CFAP61: variants seen among roughly 807,000 people sequenced by gnomAD.
The protein encoded by CFAP61 is cilia and flagella associated protein 61.
CFAP61 carries 107 observed loss-of-function variants against 135.6 expected under a neutral mutation model. That is an observed-to-expected ratio of 0.79 (90% CI 0.67 to 0.93). The LOEUF (loss-of-function observed/expected upper bound fraction) is 0.93, where lower values mean the gene tolerates loss of function less well. Ranked by LOEUF, CFAP61 falls within the 40% of genes least tolerant of loss-of-function variation. The pLI is 0.00. For missense variants in CFAP61, 1,507 were observed against 1,556.2 expected (o/e 0.97, Z 0.53); for synonymous variants, 575 against 578.5 (o/e 0.99, Z 0.09).
intron 9 of CFAP61, among the ~76,000 whole-genome samples, chr20:20,151,609 G>A (rs754718126): frequency 8.6e-5 from 13 of 151,810 alleles, no homozygotes; most frequent in African/African-American, 1.7e-4. Flanking sequence ...AGCGGATCAC[G>A]AGGTCAGGAG....
chr20:20,192,846 G>C (rs1273094015), intron 15 of CFAP61, among the ~76,000 whole-genome samples: 2 of 152,242 alleles, frequency 1.3e-5, no homozygotes, highest in East Asian at 3.9e-4. Context: ...ACTAGTGTTT[G>C]TATTTTGATC....
chr20:20,349,778 C>T (rs553172336), intron 26 of CFAP61, among the ~76,000 whole-genome samples: 11 of 152,286 alleles, frequency 7.2e-5, no homozygotes, highest in African/African-American at 2.2e-4. Flanking sequence ...CATCTGTGTT[C>T]ATGCATTTGA....
intron 8 of CFAP61, among the ~76,000 whole-genome samples, chr20:20,125,297 A>G (rs1341718533): frequency 6.6e-6 from 1 of 151,266 alleles, no homozygotes; most frequent in Admixed American, 6.6e-5. Flanking sequence ...TAGTTCCTTG[A>G]GATGTGACCT....
At chr20:20,215,473 A>C (rs1315632097) in intron 17 of CFAP61, among the ~76,000 whole-genome samples, 3 of 152,246 alleles carry the variant, frequency 2.0e-5, no homozygotes, top group African/African-American at 7.2e-5. Flanking sequence ...TATTGGAGAA[A>C]TCACTGGCAT....
At chr20:20,333,030 C>G (rs952081378) in intron 25 of CFAP61, among the ~76,000 whole-genome samples, 2 of 152,184 alleles carry the variant, frequency 1.3e-5, no homozygotes, top group African/African-American at 4.8e-5. Flanking sequence ...GCAGTACTTT[C>G]AAATGGAGGA....
intron 13 of CFAP61, among the ~76,000 whole-genome samples, chr20:20,177,093 TATAA>T (rs1835673713): frequency 6.6e-6 from 1 of 152,182 alleles, no homozygotes; most frequent in Non-Finnish European, 1.5e-5. Flanking sequence ...TTCTTCTGTA[TATAA>T]ATATAACCTT....
At chr20:20,179,578 A>C (rs148238262) in intron 13 of CFAP61, among the ~76,000 whole-genome samples, 36 of 152,338 alleles carry the variant, frequency 2.4e-4, no homozygotes, top group Non-Finnish European at 4.4e-4. Context: ...AGCCAAGGCA[A>C]TCCTAAGCAA....
intron 6 of CFAP61, among the ~76,000 whole-genome samples, chr20:20,081,384 A>G (rs1166495584): frequency 1.3e-5 from 2 of 152,256 alleles, no homozygotes; most frequent in African/African-American, 2.4e-5. Context: ...TTAGTTATTC[A>G]GCAAGGGATT....
chr20:20,135,291 C>T (rs993620390), intron 8 of CFAP61, among the ~76,000 whole-genome samples: 2 of 152,184 alleles, frequency 1.3e-5, no homozygotes, highest in Non-Finnish European at 2.9e-5. Context: ...AACTTCTTAT[C>T]TCTAGAATTG....
chr20:20,163,892 T>C (rs2053606387), intron 10 of CFAP61, among the ~76,000 whole-genome samples, 158 bp from the exon 11 acceptor site: 1 of 151,902 alleles, frequency 6.6e-6, no homozygotes, highest in African/African-American at 2.4e-5. Flanking sequence ...ATTAAGAACC[T>C]CTCCTTAAAA....
intron 9 of CFAP61, among the ~76,000 whole-genome samples, chr20:20,154,375 G>A (rs2052705774): frequency 6.6e-6 from 1 of 151,954 alleles, no homozygotes; most frequent in Admixed American, 6.6e-5. Flanking sequence ...ACAAAAGAAA[G>A]CAACAAAAGC....
chr20:20,252,370 A>G (rs556785031), intron 20 of CFAP61, among the ~76,000 whole-genome samples: 1 of 152,324 alleles, frequency 6.6e-6, no homozygotes, highest in East Asian at 1.9e-4. Flanking sequence ...TGTAATATGC[A>G]TGAGTGTTTC....
chr20:20,146,999 A>G (rs2051944813), intron 9 of CFAP61, among the ~76,000 whole-genome samples: 1 of 152,146 alleles, frequency 6.6e-6, no homozygotes, highest in African/African-American at 2.4e-5. Context: ...AACATATGAT[A>G]TTTGCTTTTC....
Position 20,301,583 on chromosome 20 carries a change from G to A in CFAP61, c.3422+3197G>A, listed in dbSNP as rs61091126. ...TTGGCCAGTCTAGTGGCATACAAAG[G>A]TATCCTCCTAGGGCTTTAATGTGCT... On this transcript the variant is annotated intron_variant, in intron 25 of 26. Coordinates refer to ENST00000245957, the MANE Select transcript of CFAP61 (RefSeq NM_015585.4). Among the ~76,000 whole-genome samples the A allele has an allele frequency of 4.2e-3, 643 of 152,296 alleles. 7 individuals carry two copies. The highest frequency in any genetic ancestry group is 0.015 in the African/African-American group (603 of 41,548).
intron 18 of CFAP61, among the ~76,000 whole-genome samples, chr20:20,243,770 A>G (rs992243945): frequency 6.6e-6 from 1 of 152,112 alleles, no homozygotes; most frequent in African/African-American, 2.4e-5. Flanking sequence ...GCATTAACTC[A>G]AAAGTCCACA....
intron 8 of CFAP61, among the ~76,000 whole-genome samples, chr20:20,104,250 C>CT (rs557188147): frequency 6.0e-4 from 89 of 148,930 alleles, no homozygotes; most frequent in Non-Finnish European, 8.7e-4. Context: ...TTGCCTTTAA[C>CT]TTTTTTTTTT....
Position 20,073,351 on chromosome 20 carries a change from C to T in CFAP61, c.295-951C>T, listed in dbSNP as rs79342460. Among the ~76,000 whole-genome samples the T allele has an allele frequency of 4.0e-3, 607 of 152,308 alleles. 3 individuals are homozygous for T. The highest frequency in any genetic ancestry group is 0.014 in the African/African-American group (579 of 41,570). The stretch of plus-strand genomic sequence containing the variant: ...GAATCAAAACATGGTTTTCCTCTTG[C>T]GCTTTTAGTCACCGTACAATTCTTT... On this transcript the variant is annotated intron_variant, in intron 3 of 26. Coordinates refer to ENST00000245957, the MANE Select transcript of CFAP61 (RefSeq NM_015585.4).
At chr20:20,263,233 T>TAC in intron 21 of CFAP61, 103 bp downstream of exon 21, 1 of 760,100 alleles carries the variant, frequency 1.3e-6, no homozygotes, top group Non-Finnish European at 1.9e-6. Flanking sequence ...GCCTAATTAA[T>TAC]TCCAACCAAA....
chr20:20,133,499 C>A (rs1221161104), intron 8 of CFAP61, among the ~76,000 whole-genome samples: 1 of 152,098 alleles, frequency 6.6e-6, no homozygotes, highest in East Asian at 1.9e-4. Context: ...TGCCACTTGT[C>A]CAAGCAGGTC....
Sources: gnomAD v4.1 joint callset for allele counts (sites outside exome capture counted in the v4.1 genomes callset) on GRCh38, gnomAD v4.1.1 for gene constraint, MANE v1.5 for transcripts, NCBI Gene and HGNC (gene_info 2026-07-23, HGNC 2026-07-21) for gene names.